The following TMEM132B variants were observed in gnomAD, a reference collection of about 807,000 sequenced individuals.
TMEM132B encodes transmembrane protein 132B.
A neutral mutation model predicts 90.8 loss-of-function variants in TMEM132B; 18 were observed. The observed-to-expected ratio is 0.20, with a 90% CI of 0.14 to 0.29. The LOEUF (loss-of-function observed/expected upper bound fraction) is 0.29. Ranked by LOEUF, TMEM132B falls within the 10% of genes least tolerant of loss-of-function variation. The pLI is 1.00. For synonymous variants in TMEM132B, 504 were observed against 523.3 expected (o/e 0.96, Z 0.50); for missense variants, 1,096 against 1,326.8 (o/e 0.83, Z 2.70).
chr12:125,212,939 C>A (rs1388314681), intron 1 of TMEM132B, among the ~76,000 whole-genome samples: 1 of 151,896 alleles, frequency 6.6e-6, no homozygotes, highest in Non-Finnish European at 1.5e-5. Flanking sequence ...AGGATAAGTT[C>A]ACACAACACA....
chr12:125,208,897 T>G (rs1422625267), intron 1 of TMEM132B, among the ~76,000 whole-genome samples: 1 of 152,186 alleles, frequency 6.6e-6, no homozygotes, highest in East Asian at 1.9e-4. Flanking sequence ...GTGTGCCCCT[T>G]CATGCCGTCA....
intron 1 of TMEM132B, chr12:125,300,829 G>A (rs1875803847): frequency 6.6e-6 from 1 of 152,182 alleles, no homozygotes; most frequent in South Asian, 2.1e-4. Flanking sequence ...CTTAGGTGCT[G>A]CACTGGGCGA....
intron 3 of TMEM132B, among the ~76,000 whole-genome samples, chr12:125,435,921 G>A (rs1386509293): frequency 6.6e-6 from 1 of 152,102 alleles, no homozygotes; most frequent in African/African-American, 2.4e-5. Flanking sequence ...AGCAGAGGTA[G>A]TGTCAGAGGG....
chr12:125,593,898 G>T (rs1372414491), intron 5 of TMEM132B, among the ~76,000 whole-genome samples: 9 of 152,182 alleles, frequency 5.9e-5, no homozygotes, highest in African/African-American at 2.2e-4. Context: ...CTTTGTAACA[G>T]CTTTATAGAG....
chr12:125,551,559 C>G (rs1360873643), intron 4 of TMEM132B, among the ~76,000 whole-genome samples: 1 of 149,510 alleles, frequency 6.7e-6, no homozygotes, highest in African/African-American at 2.5e-5. Context: ...TTTGACACAT[C>G]TATTTCTGGT....
At chr12:125,610,986 G>A (rs954662055) in intron 5 of TMEM132B, among the ~76,000 whole-genome samples, 3 of 151,972 alleles carry the variant, frequency 2.0e-5, no homozygotes, top group African/African-American at 7.3e-5. Flanking sequence ...ATATTTTGTG[G>A]AATTTACCAG....
At chr12:125,234,574 G>T (rs372283980) in intron 1 of TMEM132B, among the ~76,000 whole-genome samples, 2 of 152,244 alleles carry the variant, frequency 1.3e-5, no homozygotes, top group East Asian at 1.9e-4. Flanking sequence ...AACCCCCCTC[G>T]GTCCCTTCAG....
intron 1 of TMEM132B, among the ~76,000 whole-genome samples, chr12:125,241,984 G>A (rs1262712204): frequency 6.6e-6 from 1 of 152,158 alleles, no homozygotes; most frequent in Non-Finnish European, 1.5e-5. Flanking sequence ...TTGAAGTTCT[G>A]TCCCAGCATG....
chr12:125,504,355 TTGTC>T (rs1027027186), intron 3 of TMEM132B, among the ~76,000 whole-genome samples: 1 of 151,986 alleles, frequency 6.6e-6, no homozygotes, highest in African/African-American at 2.4e-5. Context: ...CTCAAGGTGT[TTGTC>T]TGTCTCTCTT....
intron 1 of TMEM132B, among the ~76,000 whole-genome samples, chr12:125,221,282 C>T (rs1275335287): frequency 6.6e-6 from 1 of 152,270 alleles, no homozygotes; most frequent in East Asian, 1.9e-4. Context: ...TCAGTAAATA[C>T]TAATGGAATA....
intron 5 of TMEM132B, among the ~76,000 whole-genome samples, chr12:125,631,571 A>G (rs865858443): frequency 3.9e-5 from 6 of 152,122 alleles, no homozygotes; most frequent in East Asian, 3.8e-4. Flanking sequence ...GATCTGTCCA[A>G]TGTTGAAAGT....
chr12:125,269,219 A>T (rs4765238), intron 1 of TMEM132B, among the ~76,000 whole-genome samples: 2 of 151,968 alleles, frequency 1.3e-5, no homozygotes, highest in Non-Finnish European at 2.9e-5. Context: ...GAGCATTGCC[A>T]GTGACTCGGG....
At position 125,334,231 on chromosome 12, in the gene TMEM132B, C is replaced by T. The variant is rs1195139455; in HGVS notation, c.68-15221C>T. 3.3e-5 allele frequency among the ~76,000 whole-genome samples: 5 copies of T among 152,278 alleles called. 1 individual carries two copies. Among genetic ancestry groups the T allele is most frequent in the Admixed American group, 2.0e-4 (3 of 15,304 alleles). On this transcript the variant is annotated intron_variant, in intron 1 of 8. Coordinates refer to ENST00000682704, the MANE Select transcript of TMEM132B (RefSeq NM_001366854.1). ...AGAGCAATTAACACATATGCAGAAT[C>T]GTCCGTTACTCAATCCATATTTCAT...
chr12:125,521,963 T>C (rs574202313), intron 4 of TMEM132B, among the ~76,000 whole-genome samples: 8 of 152,270 alleles, frequency 5.3e-5, no homozygotes, highest in Middle Eastern at 3.4e-3. Flanking sequence ...AGTGCCATTA[T>C]CTTGCTTGTT....
chr12:125,276,281 C>T (rs954479827), intron 1 of TMEM132B, among the ~76,000 whole-genome samples: 2 of 152,230 alleles, frequency 1.3e-5, no homozygotes, highest in Non-Finnish European at 2.9e-5. Context: ...TCAGACGACT[C>T]CAGCTGGTGA....
rs1874310147 is a variant in TMEM132B, at chr12:125,251,167, GA to G, written c.67+64302del. Reference sequence around the variant, plus strand: ...GGTGTCTTCCTGGGCTGGCCTGAGAGATTAAGGATTTAATGGCATGGAGAAG... The same window carrying G: ...GGTGTCTTCCTGGGCTGGCCTGAGAGTTAAGGATTTAATGGCATGGAGAAG... On this transcript the variant is annotated intron_variant, in intron 1 of 8. Coordinates refer to ENST00000682704, the MANE Select transcript of TMEM132B (RefSeq NM_001366854.1). This position sits in a 1 kb window ranked among gnomAD's most constrained non-coding sequence, Gnocchi z 4.4. Among the ~76,000 whole-genome samples the G allele has an allele frequency of 6.6e-6, 1 of 152,188 alleles. No homozygotes were observed. The highest frequency in any genetic ancestry group is 1.5e-5 in the Non-Finnish European group (1 of 68,034).
At chr12:125,190,094 G>C (rs1957787892) in intron 1 of TMEM132B, among the ~76,000 whole-genome samples, 1 of 152,174 alleles carries the variant, frequency 6.6e-6, no homozygotes, top group African/African-American at 2.4e-5. Context: ...TCCTTCAGCA[G>C]CCCCCGGCAG....
chr12:125,603,634 C>T (rs573365634), intron 5 of TMEM132B, among the ~76,000 whole-genome samples: 4 of 152,238 alleles, frequency 2.6e-5, no homozygotes, highest in South Asian at 2.1e-4. Flanking sequence ...TTCTTCACAG[C>T]GAAAGAAACT....
At chr12:125,482,858 A>G (rs1356939090) in intron 3 of TMEM132B, among the ~76,000 whole-genome samples, 1 of 152,204 alleles carries the variant, frequency 6.6e-6, no homozygotes, top group East Asian at 1.9e-4. Context: ...ATGTCCATCA[A>G]TGATAGACTG....
Sources: allele counts gnomAD v4.1 joint callset (sites outside exome capture counted in the v4.1 genomes callset), GRCh38; gene constraint gnomAD v4.1.1; non-coding constraint Gnocchi (gnomAD v3.1); transcripts MANE v1.5; gene names NCBI Gene and HGNC (gene_info 2026-07-23, HGNC 2026-07-21).